ARNT2: variants seen among roughly 807,000 people sequenced by gnomAD.
The protein encoded by ARNT2 is aryl hydrocarbon receptor nuclear translocator 2.
ARNT2 carries 36 observed loss-of-function variants against 91.7 expected under a neutral mutation model. The observed-to-expected ratio is 0.39, with a 90% CI of 0.30 to 0.52. ARNT2 has a LOEUF of 0.52. Ranked by LOEUF, ARNT2 falls within the 20% of genes least tolerant of loss-of-function variation. The pLI is 0.72. For missense variants in ARNT2, 775 were observed against 939.3 expected (o/e 0.83, Z 2.29); for synonymous variants, 365 against 347.1 (o/e 1.05, Z -0.57).
chr15:80,502,081 C>A (rs1433224079), intron 5 of ARNT2, among the ~76,000 whole-genome samples: 3 of 152,142 alleles, frequency 2.0e-5, no homozygotes, highest in Non-Finnish European at 4.4e-5. Context: ...GGTCCCTGAG[C>A]CACAGGGAAG....
In ARNT2 at chr15:80,594,690, T is replaced by C. The variant is rs1451015801; in HGVS notation, c.*992T>C. Reference sequence around the variant, plus strand: ...TAAGCATGTCTCATCCTTGCCCCACTGGTGAGAGGAGGACCTTGTGCCTGC... The same window carrying C: ...TAAGCATGTCTCATCCTTGCCCCACCGGTGAGAGGAGGACCTTGTGCCTGC... On this transcript the variant is annotated 3_prime_UTR_variant, in exon 19 of 19. Transcript: ENST00000303329. The C allele has an allele frequency of 6.6e-6, 1 of 152,498 alleles. No individual in the cohort carries two copies. The highest frequency in any genetic ancestry group is 1.9e-4 in the East Asian group (1 of 5,194). 9.4% of individuals were successfully genotyped at this position (152,498 alleles called of 1,614,324 possible). A position where few individuals can be genotyped will look rare whatever the true frequency, so the allele number is the denominator to read the frequency against.
At chr15:80,471,637 A>G (rs991580430) in intron 4 of ARNT2, among the ~76,000 whole-genome samples, 2 of 152,184 alleles carry the variant, frequency 1.3e-5, no homozygotes, top group African/African-American at 4.8e-5. Flanking sequence ...TGTGAGTCAT[A>G]GTTTTCTGTG....
rs373587814 is a variant in ARNT2 at position 80,575,035 on chromosome 15, G to A, written c.1438G>A (p.Val480Met). The A allele has an allele frequency of 8.7e-6, 14 of 1,614,064 alleles. No individual in the cohort carries two copies. Among genetic ancestry groups the A allele is most frequent in the Admixed American group, 3.3e-5 (2 of 60,004 alleles). ...PAGVHEAGKS[V>M]EKADAIFSQE... is the part of the protein sequence containing the mutation. ...CGGTGTTCATGAGGCCGGGAAGTCC[G>A]TGGAAAAGGCGGATGCAATCTTCTC... The change falls in exon 14 of 19, where the codon GTG (valine) becomes ATG (methionine). Residue 480 changes from valine (V) to methionine (M), a missense_variant. Coordinates refer to ENST00000303329, the MANE Select transcript of ARNT2 (RefSeq NM_014862.4).
intron 11 of ARNT2, among the ~76,000 whole-genome samples, chr15:80,557,342 G>T (rs1163870228): frequency 6.6e-6 from 1 of 152,056 alleles, no homozygotes. Flanking sequence ...TCTCCTCCCT[G>T]TGATGTCTCC....
At chr15:80,442,372 CT>C (rs2141578882) in intron 1 of ARNT2, among the ~76,000 whole-genome samples, 1 of 152,328 alleles carries the variant, frequency 6.6e-6, no homozygotes, top group East Asian at 1.9e-4. Context: ...TCCAGCATCC[CT>C]CACAGCATGC....
intron 1 of ARNT2, among the ~76,000 whole-genome samples, chr15:80,428,373 A>G (rs1895961460): frequency 6.6e-6 from 1 of 152,230 alleles, no homozygotes. Context: ...GATGGAGAGG[A>G]ATCAGACTGT....
intron 8 of ARNT2, among the ~76,000 whole-genome samples, chr15:80,541,784 G>T (rs1471262827): frequency 6.6e-6 from 1 of 152,212 alleles, no homozygotes; most frequent in Non-Finnish European, 1.5e-5. Flanking sequence ...TATGTAGATT[G>T]CACAGTCCTG....
At chr15:80,510,387 G>A (rs1897324859) in intron 6 of ARNT2, among the ~76,000 whole-genome samples, 1 of 152,094 alleles carries the variant, frequency 6.6e-6, no homozygotes, top group Admixed American at 6.5e-5. Context: ...AGTGGGCAAA[G>A]GACGTGAGCA....
At chr15:80,557,380 C>G (rs1183371723) in intron 11 of ARNT2, among the ~76,000 whole-genome samples, 1 of 152,256 alleles carries the variant, frequency 6.6e-6, no homozygotes, top group East Asian at 1.9e-4. Flanking sequence ...TGGGATGACT[C>G]CAGCCCAGAC....
intron 1 of ARNT2, among the ~76,000 whole-genome samples, chr15:80,406,117 C>T (rs1384767236): frequency 2.0e-5 from 3 of 151,938 alleles, no homozygotes; most frequent in East Asian, 1.9e-4. Context: ...CACCACTGGG[C>T]GGGTAGAAGA....
At chr15:80,510,173 G>A (rs1897322356) in intron 6 of ARNT2, among the ~76,000 whole-genome samples, 1 of 152,126 alleles carries the variant, frequency 6.6e-6, no homozygotes, top group Non-Finnish European at 1.5e-5. Context: ...GGCAGGGTGT[G>A]AGGAAAAGAG....
chr15:80,545,965 T>C (rs1218709313), intron 8 of ARNT2, among the ~76,000 whole-genome samples: 1 of 152,194 alleles, frequency 6.6e-6, no homozygotes, highest in Admixed American at 6.5e-5. Context: ...TCTTCCACCA[T>C]GATCACTCAT....
At chr15:80,554,920 C>T (rs765343400) in intron 10 of ARNT2, 145 bp from the exon 11 acceptor site, 3 of 737,794 alleles carry the variant, frequency 4.1e-6, no homozygotes, top group Non-Finnish European at 6.6e-6. Context: ...GGAAATTTTG[C>T]ACTCACTTTT....
chr15:80,418,167 G>A (rs1486585134), intron 1 of ARNT2, among the ~76,000 whole-genome samples: 1 of 152,194 alleles, frequency 6.6e-6, no homozygotes, highest in Non-Finnish European at 1.5e-5. Context: ...AAAACCAGAT[G>A]TGCTTGTTGA....
intron 5 of ARNT2, among the ~76,000 whole-genome samples, chr15:80,507,761 G>C (rs1031331190): frequency 6.6e-6 from 1 of 152,270 alleles, no homozygotes; most frequent in Middle Eastern, 3.4e-3. Flanking sequence ...AGCAGTGCGC[G>C]GTCGCATAAA....
intron 12 of ARNT2, among the ~76,000 whole-genome samples, chr15:80,564,527 A>AT (rs34881457): frequency 5.3e-5 from 8 of 150,478 alleles, no homozygotes; most frequent in East Asian, 3.9e-4. Context: ...AATGACCTGG[A>AT]TTTTTTTTTT....
At chr15:80,494,591 A>G (rs563741726) in intron 5 of ARNT2, among the ~76,000 whole-genome samples, 82 of 152,338 alleles carry the variant, frequency 5.4e-4, no homozygotes, top group African/African-American at 1.9e-3. Flanking sequence ...GGTGCCGGCC[A>G]TGGGAGGACT....
chr15:80,538,529 T>C (rs1220088184), intron 8 of ARNT2, among the ~76,000 whole-genome samples: 2 of 152,150 alleles, frequency 1.3e-5, no homozygotes, highest in Non-Finnish European at 2.9e-5. Context: ...AAACACTAAA[T>C]ATGGACTATT....
intron 17 of ARNT2, among the ~76,000 whole-genome samples, chr15:80,587,832 G>A (rs1013695063): frequency 2.6e-5 from 4 of 152,234 alleles, no homozygotes; most frequent in African/African-American, 9.6e-5. Flanking sequence ...GCTCATGGGG[G>A]ACATGCAAGT....
Sources: gnomAD v4.1 joint callset for allele counts (sites outside exome capture counted in the v4.1 genomes callset) on GRCh38, gnomAD v4.1.1 for gene constraint, MANE v1.5 for transcripts, NCBI Gene and HGNC (gene_info 2026-07-23, HGNC 2026-07-21) for gene names.